Variants in SLC25A53 observed in about 807,000 individuals in gnomAD.
SLC25A53 encodes the protein solute carrier family 25 member 53.
In SLC25A53, 5 loss-of-function variants were observed where a neutral mutation model predicts 15.0. That is an observed-to-expected ratio of 0.33 (90% CI 0.17 to 0.70). The LOEUF (loss-of-function observed/expected upper bound fraction) is 0.70. Among genes scored for constraint, SLC25A53 ranks in the 30% least tolerant of loss-of-function variants. The probability of loss-of-function intolerance (pLI) is 0.67; values close to 1 mark genes in which losing one functional copy is unlikely to be tolerated. For synonymous variants in SLC25A53, 95 were observed against 100.0 expected, an observed-to-expected ratio of 0.95 and a Z score of 0.30; for missense variants, 216 against 241.6, an observed-to-expected ratio of 0.89 and a Z score of 0.70.
chrX:104,133,249 G>A (rs2075429622), intron 1 of SLC25A53, among the ~76,000 whole-genome samples: 1 of 111,816 alleles, frequency 8.9e-6, no homozygotes, highest in African/African-American at 3.3e-5. Context: ...AAAGAAAAAA[G>A]GCAATCAATG....
chrX:104,156,667 T>A, intron 1 of SLC25A53, among the ~76,000 whole-genome samples: 2 of 108,438 alleles, frequency 1.8e-5, no homozygotes, highest in Admixed American at 2.0e-4. Flanking sequence ...GATTCACACA[T>A]CTCAGTGTCA....
At chrX:104,109,053 A>G (rs1348584370) in intron 1 of SLC25A53, among the ~76,000 whole-genome samples, 5 of 112,013 alleles carry the variant, frequency 4.5e-5, no homozygotes, top group African/African-American at 1.6e-4. Context: ...GAAGGGGCAT[A>G]TGACTCAATC....
rs2075293611 is a variant in SLC25A53 at position 104,104,129 on chromosome X, G to C, written c.*205C>G. On this transcript the variant is annotated 3_prime_UTR_variant, in exon 2 of 2. Transcript: ENST00000594199. ...AGGCTACTGAAACTGTGGAGAGACT[G>C]GGGTGAACGTTTCTTTTTGACTAAG... The C allele has an allele frequency of 9.6e-6, 4 of 416,809 alleles. No homozygotes were observed. Among genetic ancestry groups the C allele is most frequent in the Non-Finnish European group, 1.7e-5 (4 of 239,222 alleles). 34.3% of individuals were successfully genotyped at this position (416,809 alleles called of 1,213,427 possible). A position where few individuals can be genotyped will look rare whatever the true frequency, so the allele number is the denominator to read the frequency against.
chrX:104,125,036 G>C (rs781967681), intron 1 of SLC25A53, among the ~76,000 whole-genome samples: 1 of 107,564 alleles, frequency 9.3e-6, no homozygotes, highest in Non-Finnish European at 1.9e-5. Flanking sequence ...AGAAACATGG[G>C]GTTTCGCCAT....
intron 1 of SLC25A53, among the ~76,000 whole-genome samples, chrX:104,146,100 T>C (rs1222256302): frequency 8.9e-6 from 1 of 111,865 alleles, no homozygotes; most frequent in Non-Finnish European, 1.9e-5. Context: ...ATCAAAAAGC[T>C]TGTCCACTAC....
At chrX:104,109,213 C>G (rs1282291733) in intron 1 of SLC25A53, among the ~76,000 whole-genome samples, 1 of 111,261 alleles carries the variant, frequency 9.0e-6, no homozygotes, top group African/African-American at 3.3e-5. Flanking sequence ...GGAAATAGAG[C>G]TGTGGTTGAC....
At position 104,115,480 on chromosome X, in the gene SLC25A53, G is replaced by A. The variant is rs1264873492; in HGVS notation, c.-31-10192C>T. 2.5e-5 allele frequency: 12 copies of A among 489,614 alleles called. No individual in the cohort carries two copies. The East Asian group carries it at 3.7e-4, about 15-fold the overall frequency. 40.3% of individuals were successfully genotyped at this position (489,614 alleles called of 1,213,427 possible). On this transcript the variant is annotated intron_variant, in intron 1 of 1. Coordinates refer to ENST00000594199, the MANE Select transcript of SLC25A53 (RefSeq NM_001012755.5). ...GGTCTTGCATACCAGCACAGTGGAT[G>A]GGGAATGGTGTGACCTCTGTCCCTG...
chrX:104,152,078 G>C lies in SLC25A53; in HGVS notation c.-32+4800C>G, dbSNP rs193046341. Among the ~76,000 whole-genome samples, 20 of 111,412 alleles carry C rather than the reference G, an allele frequency of 1.8e-4. 1 individual carries two copies. The East Asian group carries it at 5.6e-3, about 31-fold the overall frequency. On this transcript the variant is annotated intron_variant, in intron 1 of 1. Transcript: ENST00000594199. Reference sequence around the variant, plus strand: ...ATTTCTTTTCTGTTTTTTTTGTTTCGTGTTGTTTTTTATTATACTTTAAGT... The same window carrying C: ...ATTTCTTTTCTGTTTTTTTTGTTTCCTGTTGTTTTTTATTATACTTTAAGT...
intron 1 of SLC25A53, among the ~76,000 whole-genome samples, chrX:104,139,222 CA>C (rs1230510678): frequency 8.9e-6 from 1 of 111,844 alleles, no homozygotes; most frequent in Middle Eastern, 4.3e-3. Context: ...GACCCTGTCT[CA>C]AAAATAAAAA....
chrX:104,114,384 G>C (rs1329509733), intron 1 of SLC25A53: 1 of 1,211,799 alleles, frequency 8.3e-7, no homozygotes, highest in South Asian at 1.8e-5. Context: ...AAACACTTAG[G>C]GGCCCTGCCC....
intron 1 of SLC25A53, among the ~76,000 whole-genome samples, chrX:104,110,592 C>T (rs1329093146): frequency 8.9e-6 from 1 of 112,152 alleles, no homozygotes; most frequent in Non-Finnish European, 1.9e-5. Context: ...ACAAGCCCCA[C>T]AGAAGCCTCC....
rs142794009 is a variant in SLC25A53 at position 104,124,565 on chromosome X, C to G, written c.-31-19277G>C. On this transcript the variant is annotated intron_variant, in intron 1 of 1. Coordinates refer to ENST00000594199, the MANE Select transcript of SLC25A53 (RefSeq NM_001012755.5). ...GAGTTCAAGACCAACCTGGGCAACA[C>G]AGCAAGACCCCATCTCTACAAAAAA... is the stretch of plus-strand genomic sequence containing the variant. Among the ~76,000 whole-genome samples the G allele has an allele frequency of 7.1e-3, 778 of 110,329 alleles. 9 individuals are homozygous for G. The highest frequency in any genetic ancestry group is 0.025 in the African/African-American group (748 of 30,261).
At chrX:104,112,450 C>T (rs2075351522) in intron 1 of SLC25A53, 1 of 114,012 alleles carries the variant, frequency 8.8e-6, no homozygotes. Flanking sequence ...CTAGCAGTAG[C>T]TTCGGGGCCG....
rs2075284212 is a variant in SLC25A53, at chrX:104,102,235, G to C, written c.*2099C>G. 8.9e-6 allele frequency: 1 copy of C among 111,907 alleles called. No individual in the cohort carries two copies. Among genetic ancestry groups the C allele is most frequent in the South Asian group, 3.7e-4 (1 of 2,686 alleles). The allele number at this position is 111,907 out of a possible 1,213,427, so 9.2% of individuals were successfully genotyped here. A position where few individuals can be genotyped will look rare whatever the true frequency, so the allele number is the denominator to read the frequency against. ...TCTACAACCAAGTAAGACAAATACA[G>C]GACAAATTTGGTTCAGTAAGGAGAT... On this transcript the variant is annotated 3_prime_UTR_variant, in exon 2 of 2. Coordinates refer to ENST00000594199, the MANE Select transcript of SLC25A53 (RefSeq NM_001012755.5).
chrX:104,133,402 G>T (rs977532646), intron 1 of SLC25A53, among the ~76,000 whole-genome samples: 12 of 111,354 alleles, frequency 1.1e-4, no homozygotes, highest in African/African-American at 3.9e-4. Context: ...GTAAAGATGA[G>T]CACCCTATAG....
chrX:104,104,920 G>T lies in SLC25A53; in HGVS notation c.338C>A (p.Thr113Asn). The change falls in exon 2 of 2, where the codon ACC becomes AAC. Residue 113 changes from threonine (T) to asparagine (N), a missense_variant. Coordinates refer to ENST00000594199, the MANE Select transcript of SLC25A53 (RefSeq NM_001012755.5). ...LCFLSPVGPH[T>N]LGHRWAAGLM... The stretch of plus-strand genomic sequence containing the variant: ...CCCGGCAGCCCAGCGGTGTCCCAGG[G>T]TGTGTGGCCCAACAGGAGAGAGAAA... 8.3e-7 allele frequency: 1 copy of T among 1,211,809 alleles called. No homozygotes were observed. Among genetic ancestry groups the T allele is most frequent in the Non-Finnish European group, 1.1e-6 (1 of 895,562 alleles).
chrX:104,135,384 C>G (rs2075434249), intron 1 of SLC25A53, among the ~76,000 whole-genome samples: 1 of 110,340 alleles, frequency 9.1e-6, no homozygotes, highest in Admixed American at 9.8e-5. Context: ...ATAGACACCT[C>G]AACCTCAGCA....
At chrX:104,135,655 T>G (rs781884088) in intron 1 of SLC25A53, among the ~76,000 whole-genome samples, 20 of 110,909 alleles carry the variant, frequency 1.8e-4, no homozygotes, top group Admixed American at 2.9e-4. Flanking sequence ...CACTCACTGC[T>G]CCAATCCAAT....
chrX:104,099,311 G>A lies in SLC25A53; in HGVS notation c.*5023C>T, dbSNP rs1354887247. The A allele has an allele frequency of 8.9e-6, 1 of 112,001 alleles. No homozygotes were observed. The highest frequency in any genetic ancestry group is 1.9e-5 in the Non-Finnish European group (1 of 53,148). 9.2% of individuals were successfully genotyped at this position (112,001 alleles called of 1,213,427 possible). A position where few individuals can be genotyped will look rare whatever the true frequency, so the allele number is the denominator to read the frequency against. ...AGAAATGATAAATGTTTGAGCTGATGGATATCCCAATTACCTTGATTTAAT... is the reference window on the plus strand; with the variant it reads ...AGAAATGATAAATGTTTGAGCTGATAGATATCCCAATTACCTTGATTTAAT... On this transcript the variant is annotated 3_prime_UTR_variant, in exon 2 of 2. Transcript: ENST00000594199.
Sources: gnomAD v4.1 joint callset for allele counts (sites outside exome capture counted in the v4.1 genomes callset) on GRCh38, gnomAD v4.1.1 for gene constraint, MANE v1.5 for transcripts, NCBI Gene and HGNC (gene_info 2026-07-23, HGNC 2026-07-21) for gene names.